RHBDD1: variants seen among roughly 807,000 people sequenced by gnomAD.
The protein encoded by RHBDD1 is rhomboid-related protein 4.
In RHBDD1, 38 loss-of-function variants were observed where a neutral mutation model predicts 36.3. The ratio of observed to expected loss-of-function variants is 1.05; its 90% CI spans 0.81 to 1.37. RHBDD1 has a LOEUF of 1.37. Ranked by LOEUF, RHBDD1 falls within the 40% of genes most tolerant of loss-of-function variation. The probability of loss-of-function intolerance (pLI) is 0.00; values close to 1 mark genes in which losing one functional copy is unlikely to be tolerated. For missense variants in RHBDD1, 393 were observed against 377.6 expected, an observed-to-expected ratio of 1.04 and a Z score of -0.34; for synonymous variants, 151 against 136.5, an observed-to-expected ratio of 1.11 and a Z score of -0.74.
the RHBDD1 span, among the ~76,000 whole-genome samples, chr2:226,823,983 A>G: frequency 6.6e-6 from 1 of 152,274 alleles, no homozygotes; most frequent in Admixed American, 6.5e-5. Flanking sequence ...CCACCTCCCA[A>G]CGCTGTTGCA....
chr2:226,829,911 T>C, the RHBDD1 span, among the ~76,000 whole-genome samples: 1 of 152,148 alleles, frequency 6.6e-6, no homozygotes, highest in Admixed American at 6.5e-5. Context: ...AGACGTTCTT[T>C]TCTTGTTTCT....
chr2:226,812,013 A>G, the RHBDD1 span, among the ~76,000 whole-genome samples: 1 of 152,214 alleles, frequency 6.6e-6, no homozygotes, highest in Admixed American at 6.5e-5. Flanking sequence ...TCATCTGTCA[A>G]TTCTGTCAAC....
the RHBDD1 span, among the ~76,000 whole-genome samples, chr2:226,813,325 G>A: frequency 1.3e-5 from 2 of 152,172 alleles, no homozygotes; most frequent in Non-Finnish European, 2.9e-5. Context: ...AGAGAGCAGT[G>A]GTTTCTCTCT....
intron 8 of RHBDD1, among the ~76,000 whole-genome samples, chr2:226,994,077 G>A (rs1009347050): frequency 7.9e-5 from 12 of 152,198 alleles, no homozygotes; most frequent in Non-Finnish European, 1.8e-4. Context: ...CTGCTTTTGA[G>A]AGCTGGACTG....
chr2:226,901,269 AT>A (rs1314149332), intron 5 of RHBDD1, among the ~76,000 whole-genome samples: 1 of 150,508 alleles, frequency 6.6e-6, no homozygotes, highest in African/African-American at 2.4e-5. Flanking sequence ...TACATACCAC[AT>A]TTTCTTTATC....
intron 8 of RHBDD1, among the ~76,000 whole-genome samples, chr2:226,968,612 C>CA (rs1278491038): frequency 6.6e-6 from 1 of 152,172 alleles, no homozygotes; most frequent in Non-Finnish European, 1.5e-5. Context: ...ACTTGACACA[C>CA]AAAAAAGAGC....
At chr2:226,896,440 C>T (rs771688979) in intron 5 of RHBDD1, among the ~76,000 whole-genome samples, 1 of 152,168 alleles carries the variant, frequency 6.6e-6, no homozygotes, top group Non-Finnish European at 1.5e-5. Flanking sequence ...ATTACCCTTC[C>T]CTGGAATAGA....
intron 1 of RHBDD1, among the ~76,000 whole-genome samples, chr2:226,836,557 C>T (rs1364078008): frequency 6.6e-6 from 1 of 152,220 alleles, no homozygotes; most frequent in African/African-American, 2.4e-5. Context: ...AAAAAATCCG[C>T]CAAAGTAAAC....
At chr2:226,950,699 C>T (rs1951356125) in intron 8 of RHBDD1, among the ~76,000 whole-genome samples, 1 of 152,156 alleles carries the variant, frequency 6.6e-6, no homozygotes, top group Non-Finnish European at 1.5e-5. Flanking sequence ...TAGGTGATAC[C>T]TCACTGTGGT....
intron 5 of RHBDD1, among the ~76,000 whole-genome samples, chr2:226,881,958 A>C (rs1945777242): frequency 6.6e-6 from 1 of 152,218 alleles, no homozygotes; most frequent in South Asian, 2.1e-4. Flanking sequence ...CACAAATACC[A>C]AGTAGTTCTT....
chr2:226,993,282 A>G (rs1180763156), intron 8 of RHBDD1, among the ~76,000 whole-genome samples: 2 of 152,186 alleles, frequency 1.3e-5, no homozygotes, highest in Non-Finnish European at 2.9e-5. Context: ...TTCAGCCTCC[A>G]TGGGTTTCTG....
chr2:226,993,893 T>C (rs10175929), intron 8 of RHBDD1, among the ~76,000 whole-genome samples: 66,525 of 152,124 alleles, frequency 0.44, 14,663 homozygotes, highest in South Asian at 0.58. Context: ...TATGCATAGA[T>C]GGACACATCT....
At chr2:226,940,146 A>C (rs1280140943) in intron 8 of RHBDD1, among the ~76,000 whole-genome samples, 1 of 152,174 alleles carries the variant, frequency 6.6e-6, no homozygotes, top group East Asian at 1.9e-4. Flanking sequence ...ATGTAAAACC[A>C]AAAACTGTAA....
intron 8 of RHBDD1, among the ~76,000 whole-genome samples, chr2:226,924,147 C>T (rs778933753): frequency 3.1e-4 from 47 of 152,316 alleles, no homozygotes; most frequent in Non-Finnish European, 5.0e-4. Flanking sequence ...CTCTGAGTCT[C>T]ACCCAGATAC....
At chr2:226,927,115 A>T (rs1949714851) in intron 8 of RHBDD1, among the ~76,000 whole-genome samples, 1 of 152,106 alleles carries the variant, frequency 6.6e-6, no homozygotes, top group Non-Finnish European at 1.5e-5. Flanking sequence ...ACCTACTCTG[A>T]CCCTTAATCC....
At chr2:226,982,157 T>A (rs1259806327) in intron 8 of RHBDD1, among the ~76,000 whole-genome samples, 1 of 152,194 alleles carries the variant, frequency 6.6e-6, no homozygotes, top group African/African-American at 2.4e-5. Flanking sequence ...GGCTGGGAGG[T>A]TCCCAGTGAT....
Position 226,908,826 on chromosome 2 carries a change from T to G in RHBDD1, c.660T>G (p.Gly220=), listed in dbSNP as rs1575058059. 1 of 1,605,008 alleles carries G rather than the reference T, an allele frequency of 6.2e-7. No homozygotes were observed. Among genetic ancestry groups the G allele is most frequent in the South Asian group, 1.1e-5 (1 of 90,840 alleles). Residue 220 remains glycine (G), a synonymous_variant, in exon 7 of 9, where the codon GGT becomes GGG. Transcript: ENST00000392062. The part of the protein sequence containing the change: ...LKKIMEACAG[G]FSSSVGYPGR... ...GTTTATTTCTTTTACGTTTAGGCGGTTTTTCCTCCAGTGTTGGTTACCCAG... is the reference window on the plus strand; with the variant it reads ...GTTTATTTCTTTTACGTTTAGGCGGGTTTTCCTCCAGTGTTGGTTACCCAG...
intron 8 of RHBDD1, among the ~76,000 whole-genome samples, chr2:226,946,758 G>A (rs1386240418): frequency 1.3e-5 from 2 of 152,054 alleles, no homozygotes; most frequent in Non-Finnish European, 2.9e-5. Context: ...ATAAATTCCT[G>A]GACACAGGAA....
At chr2:226,847,326 C>G (rs1191385196) in intron 3 of RHBDD1, among the ~76,000 whole-genome samples, 4 of 152,164 alleles carry the variant, frequency 2.6e-5, no homozygotes, top group African/African-American at 9.7e-5. Context: ...ATGCTATTTT[C>G]TTTCTTTAAA....
Sources: gnomAD v4.1 joint callset for allele counts (sites outside exome capture counted in the v4.1 genomes callset) on GRCh38, gnomAD v4.1.1 for gene constraint, MANE v1.5 for transcripts, NCBI Gene and HGNC (gene_info 2026-07-23, HGNC 2026-07-21) for gene names.